The following ZFR2 variants were observed in gnomAD, a reference collection of about 807,000 sequenced individuals.
The protein encoded by ZFR2 is zinc finger RNA binding protein 2, also known as zinc finger RNA-binding protein 2.
A neutral mutation model predicts 105.7 loss-of-function variants in ZFR2; 104 were observed. The observed-to-expected ratio is 0.98, with a 90% confidence interval of 0.84 to 1.16. ZFR2 has a LOEUF of 1.16. ZFR2 is among the 50% of genes most tolerant of loss of function. ZFR2 has a pLI of 0.00. For synonymous variants in ZFR2, 634 were observed against 597.7 expected (o/e 1.06, Z -0.89); for missense variants, 1,425 against 1,355.5 (o/e 1.05, Z -0.80).
rs1387855371 is a variant in ZFR2 at position 3,838,395 on chromosome 19, T to G, written c.54-3412A>C. Among the ~76,000 whole-genome samples the G allele has an allele frequency of 6.6e-6, 1 of 152,154 alleles. No homozygotes were observed. The highest frequency in any genetic ancestry group is 1.9e-4 in the East Asian group (1 of 5,198). ...AGAGTGAGTGCTATCCAGGCTGCACTGAGCACCGACCGATGAGCCAAAGAG... is the reference window on the plus strand; with the variant it reads ...AGAGTGAGTGCTATCCAGGCTGCACGGAGCACCGACCGATGAGCCAAAGAG... On this transcript the variant is annotated intron_variant, in intron 1 of 18. Coordinates refer to ENST00000262961, the MANE Select transcript of ZFR2 (RefSeq NM_015174.2). This position sits in a 1 kb window ranked among gnomAD's most constrained non-coding sequence, Gnocchi z 4.9.
intron 1 of ZFR2, chr19:3,855,502 G>A (rs2038287238): frequency 8.4e-7 from 1 of 1,195,508 alleles, no homozygotes; most frequent in South Asian, 4.2e-5. Flanking sequence ...CTGCTGTCAT[G>A]GGCGCTGTCA....
At chr19:3,860,339 C>T (rs1015170909) in intron 1 of ZFR2, among the ~76,000 whole-genome samples, 5 of 151,792 alleles carry the variant, frequency 3.3e-5, no homozygotes, top group Admixed American at 1.3e-4. Flanking sequence ...GCACCCGGCC[C>T]GAAAGGATTT....
rs540173339 is a variant in ZFR2, at chr19:3,831,240, C to T, written c.852+63G>A. ...TGACCACCCCACCGGCGCCCACATT[C>T]GGGTTCAGACGTTGGGGACAGAGAG... On this transcript the variant is annotated intron_variant, in intron 5 of 18. Coordinates refer to ENST00000262961, the MANE Select transcript of ZFR2 (RefSeq NM_015174.2). The T allele has an allele frequency of 1.6e-5, 23 of 1,435,378 alleles. No homozygotes were observed. In the African/African-American group the frequency reaches 1.9e-4, roughly 12 times the overall value. 88.9% of individuals were successfully genotyped at this position (1,435,378 alleles called of 1,614,324 possible). A position where few individuals can be genotyped will look rare whatever the true frequency, so the allele number is the denominator to read the frequency against.
chr19:3,840,059 C>G (rs754164386), intron 1 of ZFR2, among the ~76,000 whole-genome samples: 6 of 152,120 alleles, frequency 3.9e-5, no homozygotes, highest in Non-Finnish European at 7.4e-5. Context: ...CAATGCCCGG[C>G]AAACCTTGTC....
chr19:3,808,760 G>T, intron 17 of ZFR2, 112 bp downstream of exon 17: 1 of 912,160 alleles, frequency 1.1e-6, no homozygotes, highest in Non-Finnish European at 1.6e-6. Context: ...ACTCCTGCCT[G>T]GGCTGGACAC....
In ZFR2 at chr19:3,813,098, A is replaced by C. The variant is rs914959764; in HGVS notation, c.2242+722T>G. Reference sequence around the variant, plus strand: ...CTGTCTCAAAAAACAAACAAACAAAAAATACCAAATCGATTGAAAGAGAAA... The same window carrying C: ...CTGTCTCAAAAAACAAACAAACAAACAATACCAAATCGATTGAAAGAGAAA... On this transcript the variant is annotated intron_variant, in intron 14 of 18. Transcript: ENST00000262961. This position sits in a 1 kb window ranked among gnomAD's most constrained non-coding sequence, Gnocchi z 4.4. Among the ~76,000 whole-genome samples, 2 of 152,160 alleles carry C rather than the reference A, an allele frequency of 1.3e-5. No individual in the cohort carries two copies. The highest frequency in any genetic ancestry group is 2.4e-5 in the African/African-American group (1 of 41,430).
rs62132972 is a variant in ZFR2, at chr19:3,805,069, A to G, written c.*880T>C. The G allele has an allele frequency of 0.035, 5,316 of 152,160 alleles. 132 individuals are homozygous for G. The highest frequency in any genetic ancestry group is 0.05 in the Non-Finnish European group (3,411 of 68,080). The allele number at this position is 152,160 out of a possible 1,614,324, so 9.4% of individuals were successfully genotyped here. ...TAATTTTTTGTAGAGATGGGGTGTCACCATATTGCCCAGACTGATCTTAAA... is the reference window on the plus strand; with the variant it reads ...TAATTTTTTGTAGAGATGGGGTGTCGCCATATTGCCCAGACTGATCTTAAA... On this transcript the variant is annotated 3_prime_UTR_variant, in exon 19 of 19. Transcript: ENST00000262961.
rs1025696340 is a variant in ZFR2, at chr19:3,834,378, G to A, written c.264+395C>T. ...CTCTTAGAAGGTAGGAATCTGGAGC[G>A]TGGGGAAGGTGGGGTGAGTCCTGGT... is the stretch of plus-strand genomic sequence containing the variant. On this transcript the variant is annotated intron_variant, in intron 2 of 18. Transcript: ENST00000262961. This position sits in a 1 kb window ranked among gnomAD's most constrained non-coding sequence, Gnocchi z 5.3. Among the ~76,000 whole-genome samples, 18 of 152,126 alleles carry A rather than the reference G, an allele frequency of 1.2e-4. No homozygotes were observed. Among genetic ancestry groups the A allele is most frequent in the African/African-American group, 2.9e-4 (12 of 41,434 alleles).
intron 1 of ZFR2, among the ~76,000 whole-genome samples, chr19:3,844,847 G>A (rs754095797): frequency 6.6e-6 from 1 of 152,188 alleles, no homozygotes; most frequent in Non-Finnish European, 1.5e-5. Flanking sequence ...CTGGAGTCTG[G>A]AATGGAGCTC....
chr19:3,816,574 A>G, intron 13 of ZFR2, 100 bp downstream of exon 13: 1 of 1,452,388 alleles, frequency 6.9e-7, no homozygotes, highest in East Asian at 2.4e-5. Flanking sequence ...AAAGTTGTGT[A>G]GTAACAAAGG....
intron 1 of ZFR2, among the ~76,000 whole-genome samples, chr19:3,860,230 G>A (rs925908913): frequency 6.7e-6 from 1 of 150,364 alleles, no homozygotes; most frequent in Non-Finnish European, 1.5e-5. Context: ...AGATGGGGGG[G>A]GTCTCACTAT....
chr19:3,821,279 G>T lies in ZFR2; in HGVS notation c.1631+61C>A, dbSNP rs981275284. 12 of 1,475,904 alleles carry T rather than the reference G, an allele frequency of 8.1e-6. No homozygotes were observed. The African/African-American group carries it at 1.5e-4, about 19-fold the overall frequency. 91.4% of individuals were successfully genotyped at this position (1,475,904 alleles called of 1,614,324 possible). A position where few individuals can be genotyped will look rare whatever the true frequency, so the allele number is the denominator to read the frequency against. ...GTAATCTGCAGCAGTGGGCGTCTAGGTTCCACGCTGGACCTGCCCTCCCTC... is the reference window on the plus strand; with the variant it reads ...GTAATCTGCAGCAGTGGGCGTCTAGTTTCCACGCTGGACCTGCCCTCCCTC... On this transcript the variant is annotated intron_variant, in intron 10 of 18. Coordinates refer to ENST00000262961, the MANE Select transcript of ZFR2 (RefSeq NM_015174.2).
rs758090520 is a variant in ZFR2, at chr19:3,823,314, C to T, written c.1303G>A (p.Gly435Arg). The T allele has an allele frequency of 5.6e-6, 9 of 1,613,906 alleles. No homozygotes were observed. The highest frequency in any genetic ancestry group is 7.6e-6 in the Non-Finnish European group (9 of 1,179,880). ...CCCGCGGGAGCTTCCTTTGAGCCTC[C>T]TTGGGTAGGTGCTCCGGGACCCTCT... is the stretch of plus-strand genomic sequence containing the variant. ...KLEGPGAPTQ[G>R]GSKEAPAGCS... Residue 435 changes from glycine to arginine, a missense_variant, in exon 8 of 19, where the codon GGA becomes AGA. By Grantham distance (125) the Gly-to-Arg change is moderately radical (BLOSUM62 -2). Transcript: ENST00000262961. The surrounding 1 kb of genome is among the most constrained non-coding windows in gnomAD (Gnocchi z 5.4).
chr19:3,853,042 T>C (rs1272070616), intron 1 of ZFR2, among the ~76,000 whole-genome samples: 1 of 152,106 alleles, frequency 6.6e-6, no homozygotes. Flanking sequence ...TTCGGGAGGA[T>C]CACTTGAGCC....
intron 1 of ZFR2, among the ~76,000 whole-genome samples, chr19:3,867,115 T>C (rs1056266575): frequency 1.3e-5 from 2 of 149,778 alleles, no homozygotes; most frequent in African/African-American, 4.9e-5. Flanking sequence ...CTCTCTTCCA[T>C]GTGCTGAAAT....
At position 3,838,865 on chromosome 19, in the gene ZFR2, C is replaced by T. The variant is rs1367251517; in HGVS notation, c.54-3882G>A. Among the ~76,000 whole-genome samples the T allele has an allele frequency of 1.3e-5, 2 of 152,200 alleles. No individual in the cohort carries two copies. Among genetic ancestry groups the T allele is most frequent in the African/African-American group, 4.8e-5 (2 of 41,466 alleles). Reference sequence around the variant, plus strand: ...CCGATGCCCTGAGATGCAGGACCAGCTGCAGCTGCCCAGCTGTCTCCCGGG... The same window carrying T: ...CCGATGCCCTGAGATGCAGGACCAGTTGCAGCTGCCCAGCTGTCTCCCGGG... On this transcript the variant is annotated intron_variant, in intron 1 of 18. Coordinates refer to ENST00000262961, the MANE Select transcript of ZFR2 (RefSeq NM_015174.2). This position sits in a 1 kb window ranked among gnomAD's most constrained non-coding sequence, Gnocchi z 4.9.
intron 12 of ZFR2, among the ~76,000 whole-genome samples, chr19:3,818,737 G>A (rs960739034): frequency 6.6e-6 from 1 of 152,224 alleles, no homozygotes; most frequent in Non-Finnish European, 1.5e-5. Flanking sequence ...TTGCCAATGA[G>A]GAAACTGAGG....
In ZFR2 at chr19:3,825,305, T is replaced by C. The variant is rs1447054923; in HGVS notation, c.1138A>G (p.Thr380Ala). ...CTCGAGGCACACACGCTGGGGCCAG[T>C]GGGGGACGTGGGCTTGGCCTCTGCC... Reference protein sequence around the residue: ...PGAEAKPTSPTGPSVCASSRP... With the variant: ...PGAEAKPTSPAGPSVCASSRP... Residue 380 changes from threonine (T) to alanine (A), a missense_variant, in exon 7 of 19, where the codon ACT becomes GCT. By Grantham distance (58) the Thr-to-Ala change is moderately conservative. Coordinates refer to ENST00000262961, the MANE Select transcript of ZFR2 (RefSeq NM_015174.2). 6.3e-7 allele frequency: 1 copy of C among 1,580,326 alleles called. No homozygotes were observed. The highest frequency in any genetic ancestry group is 1.9e-5 in the Admixed American group (1 of 51,870).
chr19:3,847,176 G>A (rs915256373), intron 1 of ZFR2, among the ~76,000 whole-genome samples: 14 of 152,300 alleles, frequency 9.2e-5, no homozygotes, highest in Admixed American at 6.5e-4. Flanking sequence ...GGGAGAGGGC[G>A]GCACACACAG....
Sources: gnomAD v4.1 joint callset for allele counts (sites outside exome capture counted in the v4.1 genomes callset) on GRCh38, gnomAD v4.1.1 for gene constraint, Gnocchi (gnomAD v3.1) non-coding constraint, MANE v1.5 for transcripts, NCBI Gene and HGNC (gene_info 2026-07-23, HGNC 2026-07-21) for gene names.